DNM1: variants seen among roughly 807,000 people sequenced by gnomAD.
DNM1 encodes dynamin 1, also known as dynamin-1.
Under a neutral mutation model 104.6 loss-of-function variants are expected in DNM1, and 29 were observed. The observed-to-expected ratio is 0.28, with a 90% CI of 0.21 to 0.38. DNM1 has a LOEUF of 0.38. Among genes scored for constraint, DNM1 ranks in the 10% least tolerant of loss-of-function variants. DNM1 has a pLI of 1.00. For synonymous variants in DNM1, 445 were observed against 475.8 expected, an observed-to-expected ratio of 0.94 and a Z score of 0.84; for missense variants, 640 against 1,189.4, an observed-to-expected ratio of 0.54 and a Z score of 6.79.
At chr9:128,219,850 A>G (rs1194048357) in intron 4 of DNM1, 138 bp from the exon 5 acceptor site, 1 of 609,220 alleles carries the variant, frequency 1.6e-6, no homozygotes, top group Admixed American at 3.1e-5. Context: ...TACTCTGTGG[A>G]AAATGAATAA....
At chr9:128,219,886 A>G (rs2131156402) in intron 4 of DNM1, 102 bp from the exon 5 acceptor site, 1 of 817,618 alleles carries the variant, frequency 1.2e-6, no homozygotes. Context: ...GGCAGTGAGC[A>G]GGCAGGGGGC....
At chr9:128,211,808 G>A (rs7031255) in intron 1 of DNM1, among the ~76,000 whole-genome samples, 268 of 152,298 alleles carry the variant, frequency 1.8e-3, no homozygotes, top group African/African-American at 6.3e-3. Flanking sequence ...TGTGTGGGGT[G>A]GGGCTTTGTT....
In DNM1 at chr9:128,224,266, C is replaced by T. The variant is rs1190659249; in HGVS notation, c.1212C>T (p.Thr404=). The T allele has an allele frequency of 6.2e-7, 1 of 1,613,890 alleles. No homozygotes were observed. Among genetic ancestry groups the T allele is most frequent in the Non-Finnish European group, 8.5e-7 (1 of 1,179,896 alleles). The stretch of plus-strand genomic sequence containing the variant: ...GGGCGTTCAGAACGGGGCTGTTTAC[C>T]CCAGACATGGCCTTTGAGACCATTG... ...NIHGIRTGLF[T]PDMAFETIVK... The change falls in exon 10 of 22, where the codon ACC becomes ACT. Residue 404 remains threonine (T), a synonymous_variant. Coordinates refer to ENST00000372923, the MANE Select transcript of DNM1 (RefSeq NM_004408.4). The surrounding 1 kb of genome is among the most constrained non-coding windows in gnomAD (Gnocchi z 4.3).
chr9:128,251,018 C>A, intron 21 of DNM1, 78 bp downstream of exon 21: 1 of 958,274 alleles, frequency 1.0e-6, no homozygotes, highest in Non-Finnish European at 1.6e-6. Flanking sequence ...GATTCCAGAG[C>A]ATCGGACCTG....
rs1284887316 is a variant in DNM1 at position 128,243,388 on chromosome 9, AC to A, written c.1671+1044del. On this transcript the variant is annotated intron_variant, in intron 15 of 21. Transcript: ENST00000372923. The surrounding 1 kb of genome is among the most constrained non-coding windows in gnomAD (Gnocchi z 4.0). The stretch of plus-strand genomic sequence containing the variant: ...GCTGTTGGAGGCTACAGCATCCTCA[AC>A]GGGGGAGCGGGGCTCTGGGTGGGGC... Among the ~76,000 whole-genome samples, 10 of 150,104 alleles carry A rather than the reference AC, an allele frequency of 6.7e-5. No homozygotes were observed. The highest frequency in any genetic ancestry group is 3.0e-5 in the Non-Finnish European group (2 of 67,572).
At chr9:128,214,297 A>C (rs868599484) in intron 1 of DNM1, among the ~76,000 whole-genome samples, 3 of 152,154 alleles carry the variant, frequency 2.0e-5, no homozygotes, top group Non-Finnish European at 4.4e-5. Context: ...CCTCACAGCA[A>C]CCCATTTTAC....
rs1835122655 is a variant in DNM1 at position 128,223,149 on chromosome 9, C to T, written c.1196+289C>T. 3.2e-5 allele frequency: 14 copies of T among 432,044 alleles called. 1 individual carries two copies. The South Asian group carries it at 3.7e-4, about 11-fold the overall frequency. The allele number at this position is 432,044 out of a possible 1,614,324, so 26.8% of individuals were successfully genotyped here. Reference sequence around the variant, plus strand: ...GGCCCATCCCCAGGGTGAGATAGCTCCCCCAGTGCCACCCAGGTAACCGGA... The same window carrying T: ...GGCCCATCCCCAGGGTGAGATAGCTTCCCCAGTGCCACCCAGGTAACCGGA... On this transcript the variant is annotated intron_variant, in intron 9 of 21. Transcript: ENST00000372923.
Position 128,220,604 on chromosome 9 carries a change from C to A in DNM1, c.849+263C>A. 6.6e-6 allele frequency among the ~76,000 whole-genome samples: 1 copy of A among 152,172 alleles called. No homozygotes were observed. The highest frequency in any genetic ancestry group is 1.5e-5 in the Non-Finnish European group (1 of 68,016). ...AGGCCAAGACCTATGTGGAGGGTGT[C>A]ATGGGGAAGAGCTTGGGTTTGGGGG... On this transcript the variant is annotated intron_variant, in intron 6 of 21. Transcript: ENST00000372923. The surrounding 1 kb of genome is among the most constrained non-coding windows in gnomAD (Gnocchi z 5.2).
chr9:128,249,059 A>G (rs1829342046), intron 19 of DNM1, among the ~76,000 whole-genome samples: 1 of 151,944 alleles, frequency 6.6e-6, no homozygotes, highest in East Asian at 1.9e-4. Context: ...CAGGTGTGGT[A>G]GCGTGAGCCT....
chr9:128,209,911 G>C (rs937883804), intron 1 of DNM1, among the ~76,000 whole-genome samples: 7 of 152,218 alleles, frequency 4.6e-5, no homozygotes, highest in Admixed American at 3.9e-4. Context: ...CCATGGGGAG[G>C]GTGAAGCCAG....
At chr9:128,211,335 C>T (rs1221315558) in intron 1 of DNM1, among the ~76,000 whole-genome samples, 1 of 152,220 alleles carries the variant, frequency 6.6e-6, no homozygotes, top group Non-Finnish European at 1.5e-5. Flanking sequence ...GGGCTGATTA[C>T]CCAGTCCTGC....
intron 10 of DNM1, chr9:128,232,178 C>T: frequency 2.5e-6 from 1 of 398,866 alleles, no homozygotes; most frequent in South Asian, 1.8e-5. Context: ...CCTCCTCCCT[C>T]CTTCTCCCTG....
chr9:128,245,194 G>A lies in DNM1; in HGVS notation c.1672-1200G>A, dbSNP rs966037289. Among the ~76,000 whole-genome samples the A allele has an allele frequency of 1.3e-5, 2 of 151,964 alleles. No individual in the cohort carries two copies. Among genetic ancestry groups the A allele is most frequent in the East Asian group, 1.9e-4 (1 of 5,194 alleles). ...AACTTCCTCCTCTCCTCCCCCAGCC[G>A]CCCTCTGGGGCTCCCGGCCACCCGC... On this transcript the variant is annotated intron_variant, in intron 15 of 21. Coordinates refer to ENST00000372923, the MANE Select transcript of DNM1 (RefSeq NM_004408.4). This position sits in a 1 kb window ranked among gnomAD's most constrained non-coding sequence, Gnocchi z 5.2.
intron 21 of DNM1, chr9:128,251,920 C>G (rs946722543): frequency 2.6e-5 from 4 of 155,154 alleles, no homozygotes; most frequent in African/African-American, 9.7e-5. Context: ...GTAGGGCTGT[C>G]GGTCTAGCAC....
Position 128,226,105 on chromosome 9 carries a change from C to A in DNM1, c.1335+1716C>A, listed in dbSNP as rs1376288378. ...AAAGCAGGTGCAGAAGCTCAAAGAGCCCAGTATCAAGTGTGTGGATATGGT... is the reference window on the plus strand; with the variant it reads ...AAAGCAGGTGCAGAAGCTCAAAGAGACCAGTATCAAGTGTGTGGATATGGT... On this transcript the variant is annotated intron_variant, in intron 10 of 21. Coordinates refer to ENST00000372923, the MANE Select transcript of DNM1 (RefSeq NM_004408.4). The A allele has an allele frequency of 5.0e-6, 8 of 1,612,730 alleles. No individual in the cohort carries two copies. The highest frequency in any genetic ancestry group is 1.3e-5 in the African/African-American group (1 of 74,916).
chr9:128,207,868 G>A (rs1834059895), intron 1 of DNM1, among the ~76,000 whole-genome samples: 1 of 152,018 alleles, frequency 6.6e-6, no homozygotes, highest in Non-Finnish European at 1.5e-5. Context: ...GCACCAGGAT[G>A]GGGGCACGGG....
chr9:128,250,294 G>T lies in DNM1; in HGVS notation c.2256G>T (p.Thr752=). 2 of 1,611,678 alleles carry T rather than the reference G, an allele frequency of 1.2e-6. No individual in the cohort carries two copies. Among genetic ancestry groups the T allele is most frequent in the South Asian group, 1.1e-5 (1 of 90,804 alleles). Residue 752 remains threonine, a synonymous_variant, in exon 20 of 22, where the codon ACG becomes ACT. Coordinates refer to ENST00000372923, the MANE Select transcript of DNM1 (RefSeq NM_004408.4). ...IGDINTTTVS[T]PMPPPVDDSW... is the part of the protein sequence containing the mutation. Reference sequence around the variant, plus strand: ...ACATCAACACGACCACCGTCAGCACGCCCATGCCCCCGCCCGTGGACGACT... The same window carrying T: ...ACATCAACACGACCACCGTCAGCACTCCCATGCCCCCGCCCGTGGACGACT...
chr9:128,228,675 T>G (rs1043667538), intron 10 of DNM1, among the ~76,000 whole-genome samples: 2 of 152,142 alleles, frequency 1.3e-5, no homozygotes, highest in African/African-American at 4.8e-5. Context: ...TCAGGTTATT[T>G]AGAATATTGA....
rs1423802193 is a variant in DNM1 at position 128,203,431 on chromosome 9, A to G, written c.-40A>G. The G allele has an allele frequency of 1.1e-5, 16 of 1,421,442 alleles. No homozygotes were observed. The highest frequency in any genetic ancestry group is 1.5e-5 in the Non-Finnish European group (16 of 1,083,886). The allele number at this position is 1,421,442 out of a possible 1,614,324, so 88.1% of individuals were successfully genotyped here. The stretch of plus-strand genomic sequence containing the variant: ...AGCCGGAGTCGGAGCCGGGAGCGCT[A>G]GCGGCAGCCGGATCGCAGCCTGCGG... On this transcript the variant is annotated 5_prime_UTR_variant, in exon 1 of 22. Transcript: ENST00000372923. The surrounding 1 kb of genome is among the most constrained non-coding windows in gnomAD (Gnocchi z 5.3).
Sources: allele counts gnomAD v4.1 joint callset (sites outside exome capture counted in the v4.1 genomes callset), GRCh38; gene constraint gnomAD v4.1.1; non-coding constraint Gnocchi (gnomAD v3.1); transcripts MANE v1.5; gene names NCBI Gene and HGNC (gene_info 2026-07-23, HGNC 2026-07-21).